CCDC180: variants seen among roughly 807,000 people sequenced by gnomAD.
CCDC180 encodes the protein coiled-coil domain-containing protein 180.
A neutral mutation model predicts 209.2 loss-of-function variants in CCDC180; 154 were observed. The ratio of observed to expected loss-of-function variants is 0.74; its 90% CI spans 0.65 to 0.84. The LOEUF (loss-of-function observed/expected upper bound fraction) is 0.84. CCDC180 is among the 40% of genes least tolerant of loss of function. The pLI is 0.00. For synonymous variants in CCDC180, 778 were observed against 749.1 expected (o/e 1.04, Z -0.63); for missense variants, 1,874 against 1,997.3 (o/e 0.94, Z 1.18).
chr9:97,336,205 G>C (rs1015586165), intron 18 of CCDC180, among the ~76,000 whole-genome samples: 1 of 152,172 alleles, frequency 6.6e-6, no homozygotes, highest in African/African-American at 2.4e-5. Flanking sequence ...TGTTGCCATT[G>C]CTTTTGGTGT....
intron 31 of CCDC180, among the ~76,000 whole-genome samples, chr9:97,368,000 C>T (rs1402264157): frequency 2.0e-5 from 3 of 152,138 alleles, no homozygotes; most frequent in African/African-American, 7.2e-5. Flanking sequence ...TCCCATCCTA[C>T]ATGATTGTCC....
In CCDC180 at chr9:97,377,274, C is replaced by T. The variant is rs1370052222; in HGVS notation, c.*380C>T. On this transcript the variant is annotated 3_prime_UTR_variant, in exon 37 of 37. Coordinates refer to ENST00000529487, the MANE Select transcript of CCDC180 (RefSeq NM_020893.6). ...TGATATTTTAATTTAACAGAATAAA[C>T]AAGTATGGGTTATAATTGCAACTCT... 3 of 165,332 alleles carry T rather than the reference C, an allele frequency of 1.8e-5. No homozygotes were observed. The highest frequency in any genetic ancestry group is 7.2e-5 in the African/African-American group (3 of 41,826). 10.2% of individuals were successfully genotyped at this position (165,332 alleles called of 1,614,324 possible).
chr9:97,335,111 T>A (rs1313135441), intron 18 of CCDC180, among the ~76,000 whole-genome samples: 1 of 152,210 alleles, frequency 6.6e-6, no homozygotes, highest in Non-Finnish European at 1.5e-5. Flanking sequence ...AGTAAGACTT[T>A]CCATGTTAGC....
chr9:97,326,531 C>T, intron 14 of CCDC180, 23 bp from the exon 15 acceptor site: 1 of 1,436,530 alleles, frequency 7.0e-7, no homozygotes, highest in Non-Finnish European at 9.8e-7. Flanking sequence ...TCTGCTTCCT[C>T]TTGTTTTGGG....
intron 19 of CCDC180, among the ~76,000 whole-genome samples, chr9:97,346,408 A>T (rs992066691): frequency 1.3e-5 from 2 of 152,246 alleles, no homozygotes; most frequent in African/African-American, 4.8e-5. Flanking sequence ...TCTTAACAGT[A>T]CATGGCCAAA....
Position 97,330,324 on chromosome 9 carries a change from G to A in CCDC180, c.1831G>A (p.Ala611Thr). 6.2e-7 allele frequency: 1 copy of A among 1,613,076 alleles called. No individual in the cohort carries two copies. The highest frequency in any genetic ancestry group is 8.5e-7 in the Non-Finnish European group (1 of 1,179,530). Reference protein sequence around the residue: ...EVIFKFRQPEAHEKPSQKRVK... With the variant: ...EVIFKFRQPETHEKPSQKRVK... Reference sequence around the variant, plus strand: ...GCTTTGGTGTTTATCATCAACAGAAGCACATGAAAAACCCTCCCAGAAGAG... The same window carrying A: ...GCTTTGGTGTTTATCATCAACAGAAACACATGAAAAACCCTCCCAGAAGAG... The change falls in exon 18 of 37, where the codon GCA becomes ACA. Residue 611 changes from alanine (A) to threonine (T), a missense_variant and splice_region_variant. By Grantham distance (58) the Ala-to-Thr change is moderately conservative. Transcript: ENST00000529487.
intron 4 of CCDC180, among the ~76,000 whole-genome samples, chr9:97,312,433 G>T (rs1302409539): frequency 6.6e-6 from 1 of 152,160 alleles, no homozygotes; most frequent in Admixed American, 6.5e-5. Context: ...AGTTACTGAT[G>T]CAAAACAGGT....
intron 19 of CCDC180, 55 bp from the exon 20 acceptor site, chr9:97,347,259 C>T (rs1826284375): frequency 8.0e-6 from 12 of 1,507,772 alleles, no homozygotes; most frequent in Admixed American, 2.1e-5. Flanking sequence ...TATGGAAAGA[C>T]CTCTCATGGG....
At chr9:97,323,373 C>T (rs1339118447) in intron 12 of CCDC180, among the ~76,000 whole-genome samples, 5 of 152,194 alleles carry the variant, frequency 3.3e-5, no homozygotes, top group African/African-American at 1.2e-4. Flanking sequence ...GCCCCACTTT[C>T]CCCTGCACCC....
chr9:97,371,476 A>C (rs1353321086), intron 33 of CCDC180, 119 bp from the exon 34 acceptor site: 3 of 548,564 alleles, frequency 5.5e-6, no homozygotes, highest in East Asian at 2.8e-5. Flanking sequence ...ACTTGGACAC[A>C]GTGGATATAA....
chr9:97,346,589 G>C (rs1397246237), intron 19 of CCDC180, among the ~76,000 whole-genome samples: 9 of 152,152 alleles, frequency 5.9e-5, no homozygotes, highest in Admixed American at 5.2e-4. Flanking sequence ...CGACATTCAT[G>C]GACAGTACAC....
Position 97,362,248 on chromosome 9 carries a change from A to T in CCDC180, c.3709A>T (p.Thr1237Ser). Residue 1237 changes from threonine (T) to serine (S), a missense_variant, in exon 28 of 37, where the codon ACA becomes TCA. Transcript: ENST00000529487. ...THHCDKDPSQ[T>S]GRGAWACGSR... ...CCATTGTGACAAAGATCCGTCCCAG[A>T]CAGGTAGAGGCGCATGGGCCTGTGG... 1 of 1,614,060 alleles carries T rather than the reference A, an allele frequency of 6.2e-7. No homozygotes were observed.
In CCDC180 at chr9:97,354,649, T is replaced by C; in HGVS notation, c.3083T>C (p.Ile1028Thr). 6 of 1,614,198 alleles carry C rather than the reference T, an allele frequency of 3.7e-6. No homozygotes were observed. The highest frequency in any genetic ancestry group is 5.1e-6 in the Non-Finnish European group (6 of 1,180,030). The stretch of plus-strand genomic sequence containing the variant: ...CGACTGGAGAAGGAAGCTGCCCGGA[T>C]AGAGTTGGTTGAAAGTGTCATCATG... Reference protein sequence around the residue: ...CSRLEKEAARIELVESVIMLN... With the variant: ...CSRLEKEAARTELVESVIMLN... Residue 1028 changes from isoleucine to threonine, a missense_variant, in exon 23 of 37, where the codon ATA (isoleucine) becomes ACA (threonine). Physicochemically the swap from Ile to Thr is moderately conservative, Grantham distance 89 (BLOSUM62 -1). Coordinates refer to ENST00000529487, the MANE Select transcript of CCDC180 (RefSeq NM_020893.6).
chr9:97,363,984 T>G, intron 28 of CCDC180, 67 bp from the exon 29 acceptor site: 1 of 1,487,540 alleles, frequency 6.7e-7, no homozygotes, highest in Non-Finnish European at 9.3e-7. Flanking sequence ...GCAGGGATCC[T>G]GCAGGCTCAG....
At chr9:97,371,153 A>AC (rs1827090414) in intron 33 of CCDC180, 1 of 166,516 alleles carries the variant, frequency 6.0e-6, no homozygotes, top group East Asian at 1.7e-4. Flanking sequence ...TTTAGTAGAG[A>AC]CGGGGTTTCA....
At chr9:97,364,886 A>G (rs1166208092) in intron 29 of CCDC180, among the ~76,000 whole-genome samples, 1 of 152,226 alleles carries the variant, frequency 6.6e-6, no homozygotes, top group Non-Finnish European at 1.5e-5. Context: ...TAATCGAGGC[A>G]CTGCCCGGTA....
Position 97,343,420 on chromosome 9 carries a change from T to C in CCDC180, c.2355T>C (p.Tyr785=), listed in dbSNP as rs763004497. The change falls in exon 19 of 37, where the codon TAT becomes TAC. Residue 785 remains tyrosine (Y), a synonymous_variant. Transcript: ENST00000529487. ...TCACAATCTCCAGTGGAAACACTTA[T>C]TTTGTCTTTGTACCCCTGGAAGAAG... ...ESFTISSGNT[Y]FVFVPLEEEH... The C allele has an allele frequency of 2.0e-5, 33 of 1,613,920 alleles. No homozygotes were observed. The highest frequency in any genetic ancestry group is 3.3e-4 in the Middle Eastern group (2 of 6,084).
At chr9:97,334,104 T>G (rs1825831718) in intron 18 of CCDC180, among the ~76,000 whole-genome samples, 1 of 152,200 alleles carries the variant, frequency 6.6e-6, no homozygotes, top group African/African-American at 2.4e-5. Context: ...ATGTTCTTAT[T>G]CTGTTTCCCA....
chr9:97,363,777 T>C, intron 28 of CCDC180: 1 of 550,064 alleles, frequency 1.8e-6, no homozygotes, highest in Non-Finnish European at 3.5e-6. Context: ...GGAATGCAAA[T>C]TTCTGGGCCT....
Sources: gnomAD v4.1 joint callset for allele counts (sites outside exome capture counted in the v4.1 genomes callset) on GRCh38, gnomAD v4.1.1 for gene constraint, MANE v1.5 for transcripts, NCBI Gene and HGNC (gene_info 2026-07-23, HGNC 2026-07-21) for gene names.